Variants in PCM1 observed in about 807,000 individuals in gnomAD.
PCM1 encodes pericentriolar material 1.
Under a neutral mutation model 241.9 loss-of-function variants are expected in PCM1, and 157 were observed. The ratio of observed to expected loss-of-function variants is 0.65; its 90% CI spans 0.57 to 0.74. PCM1 has a LOEUF of 0.74. Ranked by LOEUF, PCM1 falls within the 30% of genes least tolerant of loss-of-function variation. The pLI is 0.00. For synonymous variants in PCM1, 1,085 were observed against 784.9 expected, an observed-to-expected ratio of 1.38 and a Z score of -6.39; for missense variants, 3,478 against 2,360.1, an observed-to-expected ratio of 1.47 and a Z score of -9.81.
At chr8:18,022,800 T>G in intron 36 of PCM1, among the ~76,000 whole-genome samples, 1 of 152,186 alleles carries the variant, frequency 6.6e-6, no homozygotes, top group East Asian at 1.9e-4. Context: ...CATGATACCC[T>G]TGACTATATT....
chr8:17,932,358 T>C (rs1262532614), intron 2 of PCM1, among the ~76,000 whole-genome samples: 1 of 152,182 alleles, frequency 6.6e-6, no homozygotes, highest in African/African-American at 2.4e-5. Context: ...ATTGCCAAAA[T>C]GCTTTCCAGA....
chr8:18,001,952 C>G (rs1299452546), intron 29 of PCM1, among the ~76,000 whole-genome samples: 1 of 129,558 alleles, frequency 7.7e-6, no homozygotes, highest in African/African-American at 2.7e-5. Context: ...TGCAACAGTT[C>G]CTAAATGGCC....
At chr8:17,940,001 A>G (rs1195178764) in intron 6 of PCM1, 140 bp downstream of exon 6, 2 of 1,348,844 alleles carry the variant, frequency 1.5e-6, no homozygotes, top group Non-Finnish European at 2.1e-6. Flanking sequence ...TTTATTGCCC[A>G]TTTTAATAGT....
chr8:18,023,509 A>G (rs556871623), intron 36 of PCM1, among the ~76,000 whole-genome samples: 1 of 152,200 alleles, frequency 6.6e-6, no homozygotes, highest in South Asian at 2.1e-4. Context: ...TCTCACTGGA[A>G]CTCCAGTAGA....
intron 36 of PCM1, among the ~76,000 whole-genome samples, chr8:18,016,736 G>C (rs966008632): frequency 6.6e-6 from 1 of 152,194 alleles, no homozygotes; most frequent in Non-Finnish European, 1.5e-5. Context: ...ATTATTCTGA[G>C]TCCACTAACC....
chr8:17,936,348 A>C (rs2060427209), intron 3 of PCM1, among the ~76,000 whole-genome samples: 1 of 152,134 alleles, frequency 6.6e-6, no homozygotes, highest in Admixed American at 6.5e-5. Context: ...GGTTTTGTTA[A>C]AATAAGGAAA....
chr8:17,989,131 T>A (rs2083604355), intron 26 of PCM1, among the ~76,000 whole-genome samples: 1 of 152,014 alleles, frequency 6.6e-6, no homozygotes, highest in Non-Finnish European at 1.5e-5. Context: ...TCTGAACTTC[T>A]GAAACACAAA....
chr8:17,936,914 A>G (rs892388164), intron 3 of PCM1, among the ~76,000 whole-genome samples: 1 of 152,204 alleles, frequency 6.6e-6, no homozygotes, highest in African/African-American at 2.4e-5. Context: ...TCTTGATAAG[A>G]AAATAATCTC....
chr8:17,952,975 A>G lies in PCM1; in HGVS notation c.1077A>G (p.Pro359=). Residue 359 remains proline, a synonymous_variant, in exon 9 of 39, where the codon CCA becomes CCG. Transcript: ENST00000325083. ...TGTTGTTTTTTTTTAATAAGCCTCC[A>G]GCTGTTCCAGACAATAGAAGACAGG... The part of the protein sequence containing the change: ...FHNQLRDSQP[P]AVPDNRRQAE... 6.4e-7 allele frequency: 1 copy of G among 1,563,372 alleles called. No individual in the cohort carries two copies. Among genetic ancestry groups the G allele is most frequent in the Non-Finnish European group, 8.7e-7 (1 of 1,154,644 alleles).
intron 35 of PCM1, 38 bp from the exon 36 acceptor site, chr8:18,014,546 T>C: frequency 6.6e-7 from 1 of 1,509,216 alleles, no homozygotes; most frequent in Non-Finnish European, 8.9e-7. Flanking sequence ...TAACATTTTT[T>C]GCATTACACT....
chr8:18,004,553 G>C (rs1180050575), intron 29 of PCM1, among the ~76,000 whole-genome samples: 1 of 152,114 alleles, frequency 6.6e-6, no homozygotes, highest in African/African-American at 2.4e-5. Context: ...ATTTCAAAAA[G>C]TGTCTGAGGC....
chr8:17,943,871 G>T (rs1162383923), intron 6 of PCM1, among the ~76,000 whole-genome samples: 1 of 152,058 alleles, frequency 6.6e-6, no homozygotes, highest in Admixed American at 6.6e-5. Context: ...ACAGTTGAGG[G>T]TCTTACATGC....
At chr8:18,019,294 C>A (rs1340745142) in intron 36 of PCM1, among the ~76,000 whole-genome samples, 1 of 152,104 alleles carries the variant, frequency 6.6e-6, no homozygotes, top group African/African-American at 2.4e-5. Context: ...GACATAAGGC[C>A]TCAATGGCAA....
At chr8:17,933,867 A>C (rs1407343029) in intron 2 of PCM1, among the ~76,000 whole-genome samples, 1 of 151,938 alleles carries the variant, frequency 6.6e-6, no homozygotes, top group East Asian at 1.9e-4. Context: ...TTTATTGGAG[A>C]TGTCCTTCAT....
At chr8:18,003,915 G>C (rs1256784473) in intron 29 of PCM1, among the ~76,000 whole-genome samples, 2 of 152,002 alleles carry the variant, frequency 1.3e-5, no homozygotes, top group Admixed American at 6.6e-5. Context: ...TAGGCCTAAA[G>C]TATTGCCTTT....
In PCM1 at chr8:17,947,264, C is replaced by A. The variant is rs1312753151; in HGVS notation, c.862C>A (p.Gln288Lys). 1.9e-6 allele frequency: 3 copies of A among 1,609,928 alleles called. No individual in the cohort carries two copies. The highest frequency in any genetic ancestry group is 2.2e-5 in the East Asian group (1 of 44,794). Reference protein sequence around the residue: ...KQHDLLKRMLQQQEQLRALQG... With the variant: ...KQHDLLKRMLKQQEQLRALQG... ...ACATGATTTATTAAAAAGAATGTTA[C>A]AACAGCAGGAGCAACTAAGAGCTCT... is the stretch of plus-strand genomic sequence containing the variant. The change falls in exon 7 of 39, where the codon CAA becomes AAA. Residue 288 changes from glutamine to lysine, a missense_variant. Gln to Lys is a moderately conservative substitution (Grantham distance 53, BLOSUM62 1). Transcript: ENST00000325083.
chr8:17,957,712 C>A lies in PCM1; in HGVS notation c.1977C>A (p.Ile659=). The A allele has an allele frequency of 6.2e-7, 1 of 1,613,420 alleles. No homozygotes were observed. Among genetic ancestry groups the A allele is most frequent in the African/African-American group, 1.3e-5 (1 of 75,018 alleles). ...AAGATGCTGAATTTGAACAGAAGATCAACCGACTTATGGCTGCAAAACAGA... is the reference window on the plus strand; with the variant it reads ...AAGATGCTGAATTTGAACAGAAGATAAACCGACTTATGGCTGCAAAACAGA... ...HPEDAEFEQK[I]NRLMAAKQKL... is the part of the protein sequence containing the mutation. Residue 659 remains isoleucine, a synonymous_variant, in exon 13 of 39, where the codon ATC becomes ATA. Coordinates refer to ENST00000325083, the MANE Select transcript of PCM1 (RefSeq NM_006197.4).
At chr8:17,963,014 G>C in intron 16 of PCM1, 87 bp from the exon 17 acceptor site, 8 of 862,680 alleles carry the variant, frequency 9.3e-6, no homozygotes, top group Non-Finnish European at 1.5e-5. Flanking sequence ...AACCTTTGTT[G>C]ATACTGACAA....
At chr8:17,997,457 C>T (rs1026113546) in intron 29 of PCM1, among the ~76,000 whole-genome samples, 1 of 152,128 alleles carries the variant, frequency 6.6e-6, no homozygotes, top group Admixed American at 6.5e-5. Flanking sequence ...TCTCTACCCC[C>T]TCTTTAAGGC....
Sources: gnomAD v4.1 joint callset for allele counts (sites outside exome capture counted in the v4.1 genomes callset) on GRCh38, gnomAD v4.1.1 for gene constraint, MANE v1.5 for transcripts, NCBI Gene and HGNC (gene_info 2026-07-23, HGNC 2026-07-21) for gene names.